HACD1: variants seen among roughly 807,000 people sequenced by gnomAD.
HACD1 encodes 3-hydroxyacyl-CoA dehydratase 1.
HACD1 carries 41 observed loss-of-function variants against 32.0 expected under a neutral mutation model. That is an observed-to-expected ratio of 1.28 (90% CI 1.00 to 1.66). The LOEUF is 1.66. Ranked by LOEUF, HACD1 falls within the 40% of genes most tolerant of loss-of-function variation. HACD1 has a pLI of 0.00. For missense variants in HACD1, 396 were observed against 380.1 expected, an observed-to-expected ratio of 1.04 and a Z score of -0.35; for synonymous variants, 142 against 139.0, an observed-to-expected ratio of 1.02 and a Z score of -0.15.
intron 1 of HACD1, among the ~76,000 whole-genome samples, chr10:17,609,992 A>C (rs1834209302): frequency 6.6e-6 from 1 of 151,966 alleles, no homozygotes; most frequent in Non-Finnish European, 1.5e-5. Context: ...CAAAAAAAAA[A>C]AAAAAAAAGA....
chr10:17,602,632 C>T (rs1383107528), intron 4 of HACD1, among the ~76,000 whole-genome samples: 2 of 152,136 alleles, frequency 1.3e-5, no homozygotes, highest in African/African-American at 2.4e-5. Context: ...ATCAAGCTAA[C>T]GAACCTATGT....
chr10:17,592,779 TC>T (rs1833945363), intron 6 of HACD1, among the ~76,000 whole-genome samples: 1 of 152,146 alleles, frequency 6.6e-6, no homozygotes, highest in Admixed American at 6.5e-5. Flanking sequence ...AGAGTAGGCA[TC>T]CCCTCCTTAG....
At position 17,594,368 on chromosome 10, in the gene HACD1, G is replaced by T; in HGVS notation, c.621C>A (p.Ile207=). The T allele has an allele frequency of 6.8e-7, 1 of 1,459,916 alleles. No individual in the cohort carries two copies. The highest frequency in any genetic ancestry group is 9.1e-7 in the Non-Finnish European group (1 of 1,099,676). The allele number at this position is 1,459,916 out of a possible 1,614,324, so 90.4% of individuals were successfully genotyped here. The part of the protein sequence containing the change: ...FIKWARYNFF[I]ILYPVGVAGE... Reference sequence around the variant, plus strand: ...CAGCAACTCCAACAGGATATAAGATGATAAAAAAATTATATCTGGAGAAAG... The same window carrying T: ...CAGCAACTCCAACAGGATATAAGATTATAAAAAAATTATATCTGGAGAAAG... Residue 207 remains isoleucine (I), a synonymous_variant, in exon 6 of 7, where the codon ATC becomes ATA. Transcript: ENST00000361271.
chr10:17,606,344 A>G (rs934588660), intron 1 of HACD1, among the ~76,000 whole-genome samples: 6 of 152,224 alleles, frequency 3.9e-5, no homozygotes, highest in Non-Finnish European at 5.9e-5. Context: ...TACTCTTCCT[A>G]AAGTCACCAA....
At chr10:17,606,060 A>G (rs1042989562) in intron 1 of HACD1, among the ~76,000 whole-genome samples, 4 of 152,186 alleles carry the variant, frequency 2.6e-5, no homozygotes, top group Non-Finnish European at 5.9e-5. Context: ...CTGTGGTTCC[A>G]GCTACTTGGA....
intron 1 of HACD1, among the ~76,000 whole-genome samples, chr10:17,613,203 A>G (rs1833019224): frequency 6.7e-6 from 1 of 150,074 alleles, no homozygotes; most frequent in Admixed American, 6.7e-5. Context: ...AAACTACTGG[A>G]CTCAAGCAAT....
chr10:17,604,517 A>G (rs1834118630), intron 1 of HACD1, among the ~76,000 whole-genome samples: 1 of 151,734 alleles, frequency 6.6e-6, no homozygotes, highest in Non-Finnish European at 1.5e-5. Flanking sequence ...TGGTCTATAC[A>G]GACAATAGAA....
chr10:17,605,001 C>G (rs1184733657), intron 1 of HACD1, among the ~76,000 whole-genome samples: 1 of 152,064 alleles, frequency 6.6e-6, no homozygotes, highest in East Asian at 1.9e-4. Context: ...GCCACCATGC[C>G]CAGCCTGTAT....
chr10:17,591,096 G>A (rs1253188069), intron 6 of HACD1, among the ~76,000 whole-genome samples: 1 of 152,182 alleles, frequency 6.6e-6, no homozygotes, highest in Non-Finnish European at 1.5e-5. Context: ...GAACATTCCA[G>A]CACAGGGAAA....
chr10:17,602,500 T>C (rs1040368623), intron 4 of HACD1, among the ~76,000 whole-genome samples: 1 of 152,232 alleles, frequency 6.6e-6, no homozygotes, highest in Admixed American at 6.5e-5. Context: ...AAAAATTGTT[T>C]ATTTTTCCTA....
chr10:17,617,266 G>C lies in HACD1; in HGVS notation c.74C>G (p.Thr25Arg), dbSNP rs118189437. 45,708 of 1,472,828 alleles carry C rather than the reference G, an allele frequency of 0.031. 840 individuals carry two copies. Among genetic ancestry groups the C allele is most frequent in the Middle Eastern group, 0.07 (294 of 4,202 alleles). The allele number at this position is 1,472,828 out of a possible 1,614,324, so 91.2% of individuals were successfully genotyped here. A position where few individuals can be genotyped will look rare whatever the true frequency, so the allele number is the denominator to read the frequency against. The change falls in exon 1 of 7, where the codon ACG (threonine) becomes AGG (arginine). Residue 25 changes from threonine (T) to arginine (R), a missense_variant. Physicochemically the swap from Thr to Arg is moderately conservative, Grantham distance 71 (BLOSUM62 -1). Coordinates refer to ENST00000361271, the MANE Select transcript of HACD1 (RefSeq NM_014241.4). ...RAAGWAGSPP[T>R]LLPLSPTSPR... ...GGACGTGGGAGACAGCGGCAGGAGC[G>C]TGGGAGGGGACCCTGCCCAGCCTGC...
Position 17,617,288 on chromosome 10 carries a change from C to T in HACD1, c.52G>A (p.Gly18Ser). 6.8e-7 allele frequency: 1 copy of T among 1,461,022 alleles called. No homozygotes were observed. Among genetic ancestry groups the T allele is most frequent in the Non-Finnish European group, 9.0e-7 (1 of 1,112,676 alleles). 90.5% of individuals were successfully genotyped at this position (1,461,022 alleles called of 1,614,324 possible). The change falls in exon 1 of 7, where the codon GGC becomes AGC. Residue 18 changes from glycine (G) to serine (S), a missense_variant. Gly to Ser is a moderately conservative substitution (Grantham distance 56). Transcript: ENST00000361271. ...AGCGTGGGAGGGGACCCTGCCCAGCCTGCAGCCCGAGAGCCGCTGCCCGCT... is the reference window on the plus strand; with the variant it reads ...AGCGTGGGAGGGGACCCTGCCCAGCTTGCAGCCCGAGAGCCGCTGCCCGCT... Reference protein sequence around the residue: ...AAAGSGSRAAGWAGSPPTLLP... With the variant: ...AAAGSGSRAASWAGSPPTLLP...
At position 17,590,454 on chromosome 10, in the gene HACD1, GA is replaced by G; in HGVS notation, c.785-9del. 1 of 1,557,774 alleles carries G rather than the reference GA, an allele frequency of 6.4e-7. No individual in the cohort carries two copies. Among genetic ancestry groups the G allele is most frequent in the South Asian group, 1.2e-5 (1 of 85,428 alleles). On this transcript the variant is annotated splice_polypyrimidine_tract_variant and intron_variant, in intron 6 of 6. Transcript: ENST00000361271. ...AATAGAGTTGTGGAAACACTTCATT[GA>G]AAAAGAAAACAAAGAAAAACAAGCT...
Position 17,597,924 on chromosome 10 carries a change from A to G in HACD1, c.605+1366T>C, listed in dbSNP as rs185555158. On this transcript the variant is annotated intron_variant, in intron 5 of 6. Transcript: ENST00000361271. ...ATCATATACAAAGTGGTAAGCCGCA[A>G]GTGTCTAAAAAAGAGCTAGAGAATA... Among the ~76,000 whole-genome samples the G allele has an allele frequency of 1.1e-3, 164 of 152,288 alleles. 1 individual carries two copies. Among genetic ancestry groups the G allele is most frequent in the African/African-American group, 3.8e-3 (159 of 41,566 alleles).
intron 1 of HACD1, among the ~76,000 whole-genome samples, chr10:17,614,239 G>A (rs901438506): frequency 2.6e-5 from 4 of 152,030 alleles, no homozygotes; most frequent in Non-Finnish European, 4.4e-5. Context: ...GAACATCCTG[G>A]GCAATATAGC....
intron 6 of HACD1, among the ~76,000 whole-genome samples, chr10:17,591,126 C>T (rs1554815544): frequency 2.6e-5 from 4 of 152,176 alleles, no homozygotes; most frequent in Non-Finnish European, 5.9e-5. Context: ...ACCCAGCCTC[C>T]TCTTCTCCAT....
chr10:17,593,297 A>T (rs993834607), intron 6 of HACD1, among the ~76,000 whole-genome samples: 4 of 149,304 alleles, frequency 2.7e-5, no homozygotes, highest in Admixed American at 1.4e-4. Context: ...TGACTTAAAA[A>T]TATATCACTA....
intron 4 of HACD1, among the ~76,000 whole-genome samples, chr10:17,600,057 C>T (rs534353870): frequency 6.6e-5 from 10 of 152,326 alleles, no homozygotes; most frequent in African/African-American, 2.4e-4. Context: ...AATCCTTGCT[C>T]GGAAATCTCT....
intron 1 of HACD1, 97 bp from the exon 2 acceptor site, chr10:17,604,144 G>C: frequency 1.1e-6 from 1 of 901,690 alleles, no homozygotes; most frequent in East Asian, 2.5e-5. Flanking sequence ...TAGTGAAAAG[G>C]TAAAAGCAAC....
Sources: gnomAD v4.1 joint callset for allele counts (sites outside exome capture counted in the v4.1 genomes callset) on GRCh38, gnomAD v4.1.1 for gene constraint, MANE v1.5 for transcripts, NCBI Gene and HGNC (gene_info 2026-07-23, HGNC 2026-07-21) for gene names.